The following ASAP1 variants were observed in gnomAD, a reference collection of about 807,000 sequenced individuals.
The protein encoded by ASAP1 is ArfGAP with SH3 domain, ankyrin repeat and PH domain 1.
Under a neutral mutation model 145.2 loss-of-function variants are expected in ASAP1, and 43 were observed. That is an observed-to-expected ratio of 0.30 (90% CI 0.23 to 0.38). The LOEUF (loss-of-function observed/expected upper bound fraction) is 0.38. ASAP1 is among the 10% of genes least tolerant of loss of function. The pLI is 1.00. For missense variants in ASAP1, 1,018 were observed against 1,355.3 expected, an observed-to-expected ratio of 0.75 and a Z score of 3.91; for synonymous variants, 546 against 515.5, an observed-to-expected ratio of 1.06 and a Z score of -0.80.
chr8:130,381,095 A>G (rs1339467197), intron 2 of ASAP1, among the ~76,000 whole-genome samples: 1 of 152,164 alleles, frequency 6.6e-6, no homozygotes, highest in East Asian at 1.9e-4. Flanking sequence ...CATGTCGTCC[A>G]GGCTGGTCTT....
chr8:130,322,951 C>T (rs188797306), intron 3 of ASAP1, among the ~76,000 whole-genome samples: 1 of 152,276 alleles, frequency 6.6e-6, no homozygotes, highest in East Asian at 1.9e-4. Context: ...ACCCATAGGA[C>T]CAGTTCTATC....
chr8:130,264,942 TAAGA>T (rs879451228), intron 3 of ASAP1, among the ~76,000 whole-genome samples: 8 of 151,842 alleles, frequency 5.3e-5, no homozygotes, highest in Non-Finnish European at 1.2e-4. Flanking sequence ...AAAAACATCT[TAAGA>T]AAGAGGGAGG....
In ASAP1 at chr8:130,052,452, T is replaced by C. The variant is rs2097394744; in HGVS notation, c.*2279A>G. ...AAGGTTCCATATCTTCAAAATACTA[T>C]ATAATGTACAAAATTGCAGATAGTG... On this transcript the variant is annotated 3_prime_UTR_variant, in exon 30 of 30. Coordinates refer to ENST00000518721, the MANE Select transcript of ASAP1 (RefSeq NM_018482.4). The C allele has an allele frequency of 6.6e-6, 1 of 152,516 alleles. No homozygotes were observed. Among genetic ancestry groups the C allele is most frequent in the Middle Eastern group, 3.2e-3 (1 of 316 alleles). 9.4% of individuals were successfully genotyped at this position (152,516 alleles called of 1,614,324 possible). A position where few individuals can be genotyped will look rare whatever the true frequency, so the allele number is the denominator to read the frequency against.
intron 27 of ASAP1, among the ~76,000 whole-genome samples, chr8:130,074,479 AC>A (rs2097457566): frequency 6.7e-6 from 1 of 149,954 alleles, no homozygotes. Context: ...ACACACACAC[AC>A]ACACACAGAG....
intron 13 of ASAP1, among the ~76,000 whole-genome samples, chr8:130,151,569 C>T (rs1209718834): frequency 6.6e-6 from 1 of 152,056 alleles, no homozygotes; most frequent in Non-Finnish European, 1.5e-5. Context: ...AATTGCAGAC[C>T]TCTGAGGAAT....
chr8:130,108,852 C>T (rs1350316093), intron 24 of ASAP1, among the ~76,000 whole-genome samples: 3 of 140,188 alleles, frequency 2.1e-5, no homozygotes, highest in South Asian at 2.4e-4. Context: ...CTCGGCTCAC[C>T]ACAACCTCCG....
At chr8:130,127,252 T>C (rs2097576406) in intron 16 of ASAP1, among the ~76,000 whole-genome samples, 1 of 152,230 alleles carries the variant, frequency 6.6e-6, no homozygotes, top group Non-Finnish European at 1.5e-5. Context: ...AGTCTCGCTC[T>C]GTCGCCCAGG....
chr8:130,123,598 A>G (rs2097569980), intron 18 of ASAP1, among the ~76,000 whole-genome samples: 1 of 152,104 alleles, frequency 6.6e-6, no homozygotes, highest in Non-Finnish European at 1.5e-5. Context: ...AAACAAACAA[A>G]CAAACAAACA....
At chr8:130,214,529 T>G in intron 5 of ASAP1, 27 bp downstream of exon 5, 2 of 1,564,714 alleles carry the variant, frequency 1.3e-6, no homozygotes, top group Non-Finnish European at 1.7e-6. Context: ...GCTGTAATTC[T>G]TTTTACTCAC....
intron 27 of ASAP1, among the ~76,000 whole-genome samples, chr8:130,072,829 G>GCGCGCGCA (rs1221695712): frequency 6.8e-5 from 7 of 102,412 alleles, no homozygotes; most frequent in Admixed American, 5.4e-4. Flanking sequence ...GTGTGTGCGC[G>GCGCGCGCA]CGGGGGGGGG....
chr8:130,388,479 GATC>G (rs1828126909), intron 2 of ASAP1, among the ~76,000 whole-genome samples: 1 of 152,204 alleles, frequency 6.6e-6, no homozygotes, highest in African/African-American at 2.4e-5. Flanking sequence ...AGGCATTTCA[GATC>G]ATCAAGTCTG....
intron 24 of ASAP1, among the ~76,000 whole-genome samples, chr8:130,104,205 T>C (rs189126686): frequency 6.6e-6 from 1 of 152,358 alleles, no homozygotes; most frequent in African/African-American, 2.4e-5. Context: ...TAATTAGGAA[T>C]AAATAGTAAC....
chr8:130,410,045 T>TCAAA (rs1829198712), intron 1 of ASAP1, among the ~76,000 whole-genome samples: 1 of 152,180 alleles, frequency 6.6e-6, no homozygotes. Context: ...CTTCCAAACA[T>TCAAA]CTCTTAAGTG....
At chr8:130,307,123 C>A (rs140179974) in intron 3 of ASAP1, among the ~76,000 whole-genome samples, 9 of 152,276 alleles carry the variant, frequency 5.9e-5, no homozygotes, top group African/African-American at 2.2e-4. Flanking sequence ...GTTATCAGTA[C>A]CTGAACTTAA....
chr8:130,358,056 C>A lies in ASAP1; in HGVS notation c.147G>T (p.Arg49=). ...NSPTTSSFTT[R]LHNCRNTVTL... is the part of the protein sequence containing the mutation. The stretch of plus-strand genomic sequence containing the variant: ...TGACGGTGTTCCTGCAGTTGTGCAG[C>A]CGCGTGGTGAAGCTGGACGTGGTGG... Residue 49 remains arginine, a synonymous_variant, in exon 3 of 30, where the codon CGG becomes CGT. Coordinates refer to ENST00000518721, the MANE Select transcript of ASAP1 (RefSeq NM_018482.4). This position sits in a 1 kb window ranked among gnomAD's most constrained non-coding sequence, Gnocchi z 4.1. 1.9e-6 allele frequency: 3 copies of A among 1,610,838 alleles called. No individual in the cohort carries two copies. Among genetic ancestry groups the A allele is most frequent in the Non-Finnish European group, 2.5e-6 (3 of 1,178,970 alleles).
chr8:130,334,111 G>C (rs1824880271), intron 3 of ASAP1, among the ~76,000 whole-genome samples: 1 of 152,134 alleles, frequency 6.6e-6, no homozygotes, highest in Non-Finnish European at 1.5e-5. Context: ...AAATGCAAGA[G>C]GCTTCCAGTT....
intron 5 of ASAP1, among the ~76,000 whole-genome samples, chr8:130,208,918 C>A (rs780382511): frequency 5.9e-5 from 9 of 151,864 alleles, no homozygotes; most frequent in Non-Finnish European, 1.3e-4. Context: ...CATCTATTTG[C>A]CATCCCCCTA....
intron 3 of ASAP1, among the ~76,000 whole-genome samples, chr8:130,258,622 A>G (rs971029514): frequency 6.6e-6 from 1 of 152,092 alleles, no homozygotes; most frequent in Non-Finnish European, 1.5e-5. Flanking sequence ...TCCCTTTGGG[A>G]TTGAGGATCT....
intron 15 of ASAP1, among the ~76,000 whole-genome samples, chr8:130,131,603 GAAAAAAAAAAAAAAAA>G (rs1159191172): frequency 1.6e-4 from 10 of 63,108 alleles, no homozygotes; most frequent in South Asian, 4.6e-4. Flanking sequence ...CATGGCTACT[GAAAAAAAAAAAAAAAA>G]AAAAAAAAAA....
Sources: gnomAD v4.1 joint callset for allele counts (sites outside exome capture counted in the v4.1 genomes callset) on GRCh38, gnomAD v4.1.1 for gene constraint, Gnocchi (gnomAD v3.1) non-coding constraint, MANE v1.5 for transcripts, NCBI Gene and HGNC (gene_info 2026-07-23, HGNC 2026-07-21) for gene names.